The following OPRM1 variants were observed in gnomAD, a reference collection of about 807,000 sequenced individuals.
OPRM1 encodes mu-type opioid receptor.
Under a neutral mutation model 31.8 loss-of-function variants are expected in OPRM1, and 27 were observed. The observed-to-expected ratio is 0.85, with a 90% CI of 0.63 to 1.17. OPRM1 has a LOEUF of 1.17. Among genes scored for constraint, OPRM1 ranks in the 50% most tolerant of loss-of-function variants. OPRM1 has a pLI of 0.00. For synonymous variants in OPRM1, 196 were observed against 189.9 expected, an observed-to-expected ratio of 1.03 and a Z score of -0.26; for missense variants, 536 against 511.1, an observed-to-expected ratio of 1.05 and a Z score of -0.47.
At chr6:154,097,714 T>A (rs1227860603) in intron 3 of OPRM1, among the ~76,000 whole-genome samples, 1 of 152,184 alleles carries the variant, frequency 6.6e-6, no homozygotes, top group Admixed American at 6.5e-5. Context: ...TGTGTTTCTA[T>A]AAATTATTGT....
intron 1 of OPRM1, among the ~76,000 whole-genome samples, chr6:154,033,776 G>T (rs1779137253): frequency 6.6e-6 from 1 of 152,122 alleles, no homozygotes; most frequent in Non-Finnish European, 1.5e-5. Context: ...CTGAAAGTGT[G>T]GTCTGTGGAT....
At chr6:154,102,837 C>G (rs976236122) in intron 3 of OPRM1, among the ~76,000 whole-genome samples, 2 of 151,630 alleles carry the variant, frequency 1.3e-5, no homozygotes, top group Non-Finnish European at 2.9e-5. Flanking sequence ...TGGAACCAAA[C>G]CCCAGGTGTC....
At chr6:154,043,070 T>C (rs1780398175) in intron 1 of OPRM1, among the ~76,000 whole-genome samples, 1 of 152,138 alleles carries the variant, frequency 6.6e-6, no homozygotes, top group Non-Finnish European at 1.5e-5. Context: ...GTTGGGAAAT[T>C]CTTTTTCCAA....
chr6:154,223,128 T>A (rs1338888408), intron 3 of OPRM1: 1 of 1,419,374 alleles, frequency 7.0e-7, no homozygotes, highest in Non-Finnish European at 1.0e-6. Context: ...GAAGAGATAG[T>A]ATCCTGGCTC....
upstream of OPRM1, among the ~76,000 whole-genome samples, chr6:154,034,490 G>A (rs1000334743): frequency 2.6e-5 from 4 of 152,200 alleles, no homozygotes; most frequent in African/African-American, 9.7e-5. Flanking sequence ...GGAGCTTGCA[G>A]CGAGCTGAGA....
Position 154,194,748 on chromosome 6 carries a change from C to A in OPRM1, c.1165-51945C>A, listed in dbSNP as rs376877877. ...AATGGCCTACTTAAATCACACAAATCTGCAGGTAACCTAATCAGCATAACT... is the reference window on the plus strand; with the variant it reads ...AATGGCCTACTTAAATCACACAAATATGCAGGTAACCTAATCAGCATAACT... On this transcript the variant is annotated intron_variant, in intron 3 of 3. Transcript: ENST00000337049. 5.1e-4 allele frequency among the ~76,000 whole-genome samples: 77 copies of A among 152,240 alleles called. 1 individual carries two copies. The South Asian group carries it at 0.015, about 30-fold the overall frequency.
intron 3 of OPRM1, among the ~76,000 whole-genome samples, chr6:154,096,030 CT>C (rs1333984897): frequency 2.0e-5 from 3 of 152,026 alleles, no homozygotes; most frequent in African/African-American, 7.2e-5. Context: ...AATGCATTTT[CT>C]TTTTGTTGTT....
intron 3 of OPRM1, among the ~76,000 whole-genome samples, chr6:154,167,641 T>C (rs925292060): frequency 6.6e-6 from 1 of 152,212 alleles, no homozygotes; most frequent in African/African-American, 2.4e-5. Flanking sequence ...AAATTATGCA[T>C]GGTCCTTGCT....
chr6:154,021,762 G>A (rs1051170828), intron 1 of OPRM1, among the ~76,000 whole-genome samples: 2 of 152,070 alleles, frequency 1.3e-5, no homozygotes, highest in Middle Eastern at 3.2e-3. Flanking sequence ...TTTGTTGCTG[G>A]CATATAGGAA....
chr6:154,059,702 A>T (rs549037312), intron 1 of OPRM1, among the ~76,000 whole-genome samples: 2 of 152,356 alleles, frequency 1.3e-5, no homozygotes, highest in South Asian at 4.1e-4. Flanking sequence ...TAACAAAGTA[A>T]CAAATACTCA....
intron 3 of OPRM1, among the ~76,000 whole-genome samples, chr6:154,140,735 C>G (rs534480986): frequency 2.0e-5 from 3 of 152,286 alleles, no homozygotes; most frequent in Non-Finnish European, 4.4e-5. Flanking sequence ...GGTCAACCCA[C>G]AGAGGGCACC....
intron 1 of OPRM1, chr6:154,087,039 C>T (rs1790753852): frequency 1.0e-6 from 1 of 983,694 alleles, no homozygotes; most frequent in South Asian, 4.7e-5. Context: ...AAAGTCCAAA[C>T]TAAAAGCAAA....
intron 3 of OPRM1, among the ~76,000 whole-genome samples, chr6:154,235,097 C>T (rs543315936): frequency 6.6e-6 from 1 of 152,316 alleles, no homozygotes; most frequent in Non-Finnish European, 1.5e-5. Context: ...AAAATCTCAC[C>T]ATTACAGACT....
intron 3 of OPRM1, among the ~76,000 whole-genome samples, chr6:154,244,301 G>GGTGGGTGTGT (rs71802413): frequency 1.4e-5 from 2 of 147,960 alleles, no homozygotes; most frequent in African/African-American, 5.0e-5. Context: ...TGTGTGGGTG[G>GGTGGGTGTGT]GTGTGTGTGT....
chr6:154,187,364 C>G (rs1204462407), intron 3 of OPRM1, among the ~76,000 whole-genome samples: 1 of 152,218 alleles, frequency 6.6e-6, no homozygotes, highest in African/African-American at 2.4e-5. Flanking sequence ...CCCTACCAGT[C>G]TCTCCCCTCA....
chr6:154,231,690 G>T (rs144515383), intron 3 of OPRM1, among the ~76,000 whole-genome samples: 1 of 152,100 alleles, frequency 6.6e-6, no homozygotes, highest in Admixed American at 6.6e-5. Context: ...CTGTATTTGC[G>T]AAAAGAAACA....
At chr6:154,153,517 C>T (rs1424649194) in intron 3 of OPRM1, among the ~76,000 whole-genome samples, 1 of 152,124 alleles carries the variant, frequency 6.6e-6, no homozygotes, top group African/African-American at 2.4e-5. Flanking sequence ...AGTCCCGTCT[C>T]TACTGAAAAT....
chr6:154,146,257 G>A (rs1434881718), intron 3 of OPRM1, among the ~76,000 whole-genome samples: 1 of 152,202 alleles, frequency 6.6e-6, no homozygotes, highest in East Asian at 1.9e-4. Flanking sequence ...AAAATCAGCT[G>A]AGCGCGGTGG....
At chr6:154,206,188 A>C (rs1164991362) in intron 3 of OPRM1, among the ~76,000 whole-genome samples, 2 of 152,230 alleles carry the variant, frequency 1.3e-5, no homozygotes, top group Non-Finnish European at 2.9e-5. Context: ...ATTCTTCATG[A>C]AACATAAGCA....
Sources: allele counts gnomAD v4.1 joint callset (sites outside exome capture counted in the v4.1 genomes callset), GRCh38; gene constraint gnomAD v4.1.1; transcripts MANE v1.5; gene names NCBI Gene and HGNC (gene_info 2026-07-23, HGNC 2026-07-21).